BNIP5: variants seen among roughly 807,000 people sequenced by gnomAD.
BNIP5 encodes the protein protein BNIP5.
BNIP5 carries 61 observed loss-of-function variants against 67.3 expected under a neutral mutation model. The observed-to-expected ratio is 0.91, with a 90% CI of 0.74 to 1.12. BNIP5 has a LOEUF of 1.12. BNIP5 is among the 50% of genes most tolerant of loss of function. The pLI is 0.00. For missense variants in BNIP5, 826 were observed against 816.3 expected, an observed-to-expected ratio of 1.01 and a Z score of -0.14; for synonymous variants, 317 against 319.0, an observed-to-expected ratio of 0.99 and a Z score of 0.07.
At chr6:36,328,480 G>A in intron 3 of BNIP5, 118 bp downstream of exon 3, 1 of 684,238 alleles carries the variant, frequency 1.5e-6, no homozygotes, top group Non-Finnish European at 2.7e-6. Context: ...AGAAAGGCCA[G>A]TGCATGTATT....
At chr6:36,329,339 T>C (rs191461557) in intron 2 of BNIP5, among the ~76,000 whole-genome samples, 4 of 152,366 alleles carry the variant, frequency 2.6e-5, no homozygotes. Context: ...AGCACTTTCC[T>C]TGTGGGCTGT....
At position 36,330,698 on chromosome 6, in the gene BNIP5, C is replaced by A; in HGVS notation, c.-4-4G>T. The A allele has an allele frequency of 6.5e-7, 1 of 1,543,314 alleles. No homozygotes were observed. Among genetic ancestry groups the A allele is most frequent in the South Asian group, 1.2e-5 (1 of 83,022 alleles). ...GCACCTTGGATTCTCCATCGGGCTG[C>A]AACCAAAACACACAGCTCCCTTAGT... On this transcript the variant is annotated splice_polypyrimidine_tract_variant and splice_region_variant and intron_variant, in intron 1 of 11. Coordinates refer to ENST00000437635, the MANE Select transcript of BNIP5 (RefSeq NM_001010903.5).
chr6:36,330,125 G>C lies in BNIP5; in HGVS notation c.566C>G (p.Ala189Gly), dbSNP rs1434957455. 1 of 1,611,890 alleles carries C rather than the reference G, an allele frequency of 6.2e-7. No homozygotes were observed. The highest frequency in any genetic ancestry group is 8.5e-7 in the Non-Finnish European group (1 of 1,179,948). ...GREEGLSKAA[A>G]ALRSGEADLG... The stretch of plus-strand genomic sequence containing the variant: ...GTCAGCCTCCCCGGAGCGCAAGGCA[G>C]CAGCTGCCTTGGACAACCCTTCCTC... Residue 189 changes from alanine to glycine, a missense_variant, in exon 2 of 12, where the codon GCT becomes GGT. Coordinates refer to ENST00000437635, the MANE Select transcript of BNIP5 (RefSeq NM_001010903.5).
rs78116699 is a variant in BNIP5 at position 36,319,356 on chromosome 6, C to T, written c.1923G>A (p.Pro641=). The change falls in exon 11 of 12, where the codon CCG becomes CCA. Residue 641 remains proline, a splice_region_variant and synonymous_variant. Coordinates refer to ENST00000437635, the MANE Select transcript of BNIP5 (RefSeq NM_001010903.5). ...CATTGTCTTCCCCGCCCTCTCTCAC[C>T]GGCTGGTCCTCCCTGTATGGGAACT... is the stretch of plus-strand genomic sequence containing the variant. ...CTQFPYREDQ[P]NITSPKVESP... is the part of the protein sequence containing the mutation. 9.7e-5 allele frequency: 157 copies of T among 1,613,256 alleles called. 1 individual carries two copies. In the East Asian group the frequency reaches 3.0e-3, roughly 31 times the overall value.
In BNIP5 at chr6:36,322,304, T is replaced by C; in HGVS notation, c.1603+7A>G. The C allele has an allele frequency of 6.2e-7, 1 of 1,614,028 alleles. No homozygotes were observed. The highest frequency in any genetic ancestry group is 8.5e-7 in the Non-Finnish European group (1 of 1,179,944). On this transcript the variant is annotated splice_region_variant and intron_variant, in intron 9 of 11. Coordinates refer to ENST00000437635, the MANE Select transcript of BNIP5 (RefSeq NM_001010903.5). ...GCTGTCCAGGTAAGAGCAGGGGTGTTACTGACTAGATTCACATGCTCCACT... is the reference window on the plus strand; with the variant it reads ...GCTGTCCAGGTAAGAGCAGGGGTGTCACTGACTAGATTCACATGCTCCACT...
At chr6:36,327,225 G>A (rs1282965354) in intron 3 of BNIP5, 131 bp from the exon 4 acceptor site, 3 of 791,608 alleles carry the variant, frequency 3.8e-6, no homozygotes, top group African/African-American at 1.7e-5. Context: ...CACATCCCAG[G>A]GGCAGGTTCT....
Position 36,323,348 on chromosome 6 carries a change from G to T in BNIP5, c.1416C>A (p.Pro472=). The T allele has an allele frequency of 6.2e-7, 1 of 1,614,284 alleles. No individual in the cohort carries two copies. The highest frequency in any genetic ancestry group is 2.2e-5 in the East Asian group (1 of 44,890). The change falls in exon 8 of 12, where the codon CCC becomes CCA. Residue 472 remains proline (P), a synonymous_variant. Coordinates refer to ENST00000437635, the MANE Select transcript of BNIP5 (RefSeq NM_001010903.5). The part of the protein sequence containing the change: ...ASPEARRPKR[P]SFLPLCVGGH... ...CACCAACACACAGGGGCAGAAAGCT[G>T]GGCCTCTTGGGTCGTCGGGCCTCTG... is the stretch of plus-strand genomic sequence containing the variant.
chr6:36,317,404 A>G lies in BNIP5; in HGVS notation c.1924-13T>C. 1 of 1,611,072 alleles carries G rather than the reference A, an allele frequency of 6.2e-7. No homozygotes were observed. Among genetic ancestry groups the G allele is most frequent in the South Asian group, 1.1e-5 (1 of 91,008 alleles). On this transcript the variant is annotated splice_polypyrimidine_tract_variant and intron_variant, in intron 11 of 11. Coordinates refer to ENST00000437635, the MANE Select transcript of BNIP5 (RefSeq NM_001010903.5). Reference sequence around the variant, plus strand: ...GACTTGTGATGTTCTGGGAAGAGAAAAAGAACATAGGTGTTAGCCACAGCT... The same window carrying G: ...GACTTGTGATGTTCTGGGAAGAGAAGAAGAACATAGGTGTTAGCCACAGCT...
intron 1 of BNIP5, 121 bp from the exon 2 acceptor site, chr6:36,330,815 G>T: frequency 7.7e-7 from 1 of 1,302,432 alleles, no homozygotes; most frequent in East Asian, 2.6e-5. Context: ...CCAGGCTGGA[G>T]TGCAGTGGCG....
At position 36,329,745 on chromosome 6, in the gene BNIP5, A is replaced by G. The variant is rs528607895; in HGVS notation, c.610+336T>C. On this transcript the variant is annotated intron_variant, in intron 2 of 11. Transcript: ENST00000437635. ...GAGAATCACTTGACCCTGGAGGAGG[A>G]GCTTGCAGTGAGCCAAGATCATGCC... Among the ~76,000 whole-genome samples the G allele has an allele frequency of 2.6e-5, 4 of 152,152 alleles. No homozygotes were observed. In the South Asian group the frequency reaches 8.3e-4, roughly 32 times the overall value.
At chr6:36,331,768 G>A (rs1372859426) in intron 1 of BNIP5, among the ~76,000 whole-genome samples, 5 of 152,092 alleles carry the variant, frequency 3.3e-5, no homozygotes, top group African/African-American at 7.2e-5. Context: ...GGGCTCAAGC[G>A]ATCAACCTAC....
chr6:36,325,726 C>T (rs1771748031), intron 5 of BNIP5, among the ~76,000 whole-genome samples: 1 of 152,184 alleles, frequency 6.6e-6, no homozygotes, highest in Non-Finnish European at 1.5e-5. Context: ...TGAATCATAG[C>T]CAGAATCCCC....
At position 36,326,760 on chromosome 6, in the gene BNIP5, G is replaced by A. The variant is rs749724146; in HGVS notation, c.793-7C>T. The A allele has an allele frequency of 6.2e-7, 1 of 1,613,720 alleles. No homozygotes were observed. Among genetic ancestry groups the A allele is most frequent in the Admixed American group, 1.7e-5 (1 of 59,942 alleles). On this transcript the variant is annotated splice_region_variant and splice_polypyrimidine_tract_variant and intron_variant, in intron 4 of 11. Transcript: ENST00000437635. ...GCTGTGAGGCCAGAGATTGCTGTTG[G>A]GGAGAGGAGAAAAACTGGTCAGGTT...
In BNIP5 at chr6:36,322,357, G is replaced by A; in HGVS notation, c.1557C>T (p.Gly519=). Residue 519 remains glycine, a synonymous_variant, in exon 9 of 12, where the codon GGC becomes GGT. Transcript: ENST00000437635. ...VISEAPSQAR[G]HTPEGAPQLS... The stretch of plus-strand genomic sequence containing the variant: ...GCTGAGGTGCCCCTTCTGGCGTGTG[G>A]CCTCTAGCCTGGGAGGGTGCTTCTG... 1 of 1,614,158 alleles carries A rather than the reference G, an allele frequency of 6.2e-7. No homozygotes were observed. The highest frequency in any genetic ancestry group is 8.5e-7 in the Non-Finnish European group (1 of 1,180,010).
chr6:36,334,541 CTG>C (rs982544557), intron 1 of BNIP5, among the ~76,000 whole-genome samples: 4 of 152,186 alleles, frequency 2.6e-5, no homozygotes, highest in African/African-American at 9.7e-5. Context: ...TGCTCCTCCT[CTG>C]TAATGTTCCA....
At chr6:36,320,080 AAATGTTTAGTACAGG>A (rs1265490409) in intron 10 of BNIP5, among the ~76,000 whole-genome samples, 6 of 152,152 alleles carry the variant, frequency 3.9e-5, no homozygotes, top group Non-Finnish European at 7.4e-5. Context: ...AATTTATATA[AAATGTTTAGTACAGG>A]AATGTTTAGT....
chr6:36,326,172 C>G (rs1582129250), intron 5 of BNIP5, among the ~76,000 whole-genome samples: 2 of 152,330 alleles, frequency 1.3e-5, no homozygotes, highest in Middle Eastern at 3.4e-3. Flanking sequence ...TCTCCTGCCT[C>G]CCCTGCTCCA....
intron 8 of BNIP5, 38 bp downstream of exon 8, chr6:36,323,255 G>T: frequency 6.2e-7 from 1 of 1,611,822 alleles, no homozygotes; most frequent in East Asian, 2.2e-5. Context: ...TGCCCAAGAG[G>T]AAGCCTCTGT....
intron 1 of BNIP5, among the ~76,000 whole-genome samples, chr6:36,336,464 G>C (rs1430091121): frequency 6.6e-6 from 1 of 152,152 alleles, no homozygotes; most frequent in Non-Finnish European, 1.5e-5. Context: ...TTAAGTCCGA[G>C]TGAGCCCAGA....
Sources: gnomAD v4.1 joint callset for allele counts (sites outside exome capture counted in the v4.1 genomes callset) on GRCh38, gnomAD v4.1.1 for gene constraint, MANE v1.5 for transcripts, NCBI Gene and HGNC (gene_info 2026-07-23, HGNC 2026-07-21) for gene names.